Variants in CUX2 observed in about 807,000 individuals in gnomAD.
CUX2 encodes the protein cut like homeobox 2.
In CUX2, 40 loss-of-function variants were observed where a neutral mutation model predicts 144.8. That is an observed-to-expected ratio of 0.28 (90% CI 0.21 to 0.36). The LOEUF is 0.36. Ranked by LOEUF, CUX2 falls within the 10% of genes least tolerant of loss-of-function variation. The probability of loss-of-function intolerance (pLI) is 1.00; values close to 1 mark genes in which losing one functional copy is unlikely to be tolerated. For synonymous variants in CUX2, 827 were observed against 875.6 expected, an observed-to-expected ratio of 0.94 and a Z score of 0.98; for missense variants, 1,615 against 1,994.0, an observed-to-expected ratio of 0.81 and a Z score of 3.62.
rs1886940753 is a variant in CUX2 at position 111,312,175 on chromosome 12, A to T, written c.1976A>T (p.Lys659Met). ...ATCAAGAGCATTCTAGAGCAGGCCA[A>T]GAAGGAGATCGAGTCGCAGAAGGGC... is the stretch of plus-strand genomic sequence containing the variant. ...DAIKSILEQA[K>M]KEIESQKGGE... The change falls in exon 16 of 22, where the codon AAG becomes ATG. Residue 659 changes from lysine (K) to methionine (M), a missense_variant. Physicochemically the swap from Lys to Met is moderately conservative, Grantham distance 95. Around this residue, in one of 12 missense-constraint regions of CUX2, gnomAD observed 390 missense variants for 387.1 expected, o/e 1.01. Coordinates refer to ENST00000261726, the MANE Select transcript of CUX2 (RefSeq NM_015267.4). This position sits in a 1 kb window ranked among gnomAD's most constrained non-coding sequence, Gnocchi z 4.3. The T allele has an allele frequency of 1.9e-6, 3 of 1,611,002 alleles. No individual in the cohort carries two copies. In the East Asian group the frequency reaches 6.7e-5, roughly 36 times the overall value.
chr12:111,298,776 G>C (rs1886143173), intron 9 of CUX2, among the ~76,000 whole-genome samples, 187 bp downstream of exon 9: 1 of 152,160 alleles, frequency 6.6e-6, no homozygotes, highest in African/African-American at 2.4e-5. Context: ...CAAGCTCCCA[G>C]GGTGGGCCCA....
chr12:111,069,613 G>A (rs906985484), intron 1 of CUX2, among the ~76,000 whole-genome samples: 2 of 151,060 alleles, frequency 1.3e-5, no homozygotes, highest in Admixed American at 6.6e-5. Flanking sequence ...TGAGATCAAG[G>A]TTTCAGCAGG....
chr12:111,314,958 C>A (rs1887117224), intron 16 of CUX2, among the ~76,000 whole-genome samples: 1 of 152,148 alleles, frequency 6.6e-6, no homozygotes, highest in African/African-American at 2.4e-5. Context: ...AGGGAAACCC[C>A]AGGTCTCTCA....
At chr12:111,155,166 T>C (rs1477031663) in intron 1 of CUX2, among the ~76,000 whole-genome samples, 1 of 152,226 alleles carries the variant, frequency 6.6e-6, no homozygotes. Context: ...CAACCTGGCC[T>C]GGCATCCCAG....
chr12:111,240,017 A>G (rs1882946210), intron 3 of CUX2, among the ~76,000 whole-genome samples: 1 of 152,246 alleles, frequency 6.6e-6, no homozygotes, highest in South Asian at 2.1e-4. Context: ...AATTGGTTAT[A>G]ATATTAGCTG....
At chr12:111,251,837 T>C (rs557020069) in intron 3 of CUX2, among the ~76,000 whole-genome samples, 2 of 152,074 alleles carry the variant, frequency 1.3e-5, no homozygotes, top group Admixed American at 6.5e-5. Context: ...GTGCAGGGGA[T>C]GTTCATGTGA....
intron 3 of CUX2, among the ~76,000 whole-genome samples, chr12:111,234,510 C>T (rs1393960114): frequency 2.0e-5 from 3 of 152,048 alleles, no homozygotes; most frequent in African/African-American, 7.2e-5. Flanking sequence ...CCCAGGTGTA[C>T]CAATGAGAGT....
chr12:111,278,529 G>A (rs1312092096), intron 4 of CUX2, among the ~76,000 whole-genome samples: 1 of 152,122 alleles, frequency 6.6e-6, no homozygotes, highest in Non-Finnish European at 1.5e-5. Flanking sequence ...CTCAAACTCT[G>A]TGGCGCCCTA....
intron 4 of CUX2, among the ~76,000 whole-genome samples, chr12:111,280,183 G>C (rs1247416376): frequency 1.3e-5 from 2 of 152,076 alleles, no homozygotes; most frequent in East Asian, 3.9e-4. Flanking sequence ...CAGCTACTTG[G>C]GAGTCTGAGG....
chr12:111,113,355 T>G (rs966599336), intron 1 of CUX2, among the ~76,000 whole-genome samples: 7 of 152,162 alleles, frequency 4.6e-5, no homozygotes, highest in African/African-American at 1.4e-4. Context: ...TCCATGAGCT[T>G]TGACCACAAT....
At chr12:111,252,122 G>A (rs1883592296) in intron 3 of CUX2, among the ~76,000 whole-genome samples, 1 of 152,020 alleles carries the variant, frequency 6.6e-6, no homozygotes, top group African/African-American at 2.4e-5. Context: ...GGAGTTTGAG[G>A]CCACAGTGAG....
intron 1 of CUX2, among the ~76,000 whole-genome samples, chr12:111,040,378 TTC>T (rs1869682619): frequency 6.6e-6 from 1 of 151,966 alleles, no homozygotes; most frequent in Non-Finnish European, 1.5e-5. Flanking sequence ...ATCTGCCCCA[TTC>T]TCTCAATCTC....
rs566924159 is a variant in CUX2 at position 111,175,593 on chromosome 12, C to T, written c.64-38607C>T. On this transcript the variant is annotated intron_variant, in intron 1 of 21. Transcript: ENST00000261726. ...GGCAGGCTTGGTCACGCGGCAATAT[C>T]GTGTTGGGTTCTCAACAAAAGTTTT... Among the ~76,000 whole-genome samples, 3 of 152,178 alleles carry T rather than the reference C, an allele frequency of 2.0e-5. No individual in the cohort carries two copies. The East Asian group carries it at 5.8e-4, about 29-fold the overall frequency.
intron 16 of CUX2, among the ~76,000 whole-genome samples, chr12:111,318,598 T>A (rs7973949): frequency 0.3 from 43,096 of 144,880 alleles, 8,762 homozygotes; most frequent in East Asian, 0.71. Flanking sequence ...ATCTCTTTTT[T>A]TAAAAAAAAA....
Position 111,287,067 on chromosome 12 carries a change from G to A in CUX2, c.302-4351G>A, listed in dbSNP as rs921033351. Among the ~76,000 whole-genome samples, 3 of 152,160 alleles carry A rather than the reference G, an allele frequency of 2.0e-5. No individual in the cohort carries two copies. The highest frequency in any genetic ancestry group is 7.2e-5 in the African/African-American group (3 of 41,446). ...TGAAATCTATGGACCTGAATCAAAGGTCCAGCCAGCCCCTGTTCCCACCAG... is the reference window on the plus strand; with the variant it reads ...TGAAATCTATGGACCTGAATCAAAGATCCAGCCAGCCCCTGTTCCCACCAG... On this transcript the variant is annotated intron_variant, in intron 4 of 21. Transcript: ENST00000261726. This position sits in a 1 kb window ranked among gnomAD's most constrained non-coding sequence, Gnocchi z 4.2.
intron 1 of CUX2, among the ~76,000 whole-genome samples, chr12:111,145,295 G>T (rs1257532286): frequency 6.6e-6 from 1 of 152,190 alleles, no homozygotes; most frequent in Non-Finnish European, 1.5e-5. Context: ...ACCTTCTGAG[G>T]TTCACTCCTA....
chr12:111,258,374 G>A (rs988476782), intron 3 of CUX2, among the ~76,000 whole-genome samples: 2 of 152,102 alleles, frequency 1.3e-5, no homozygotes, highest in South Asian at 2.1e-4. Context: ...TTAGCCAGGC[G>A]TGGTAGTGCA....
intron 3 of CUX2, among the ~76,000 whole-genome samples, chr12:111,242,498 G>A (rs1883072450): frequency 6.6e-6 from 1 of 152,152 alleles, no homozygotes; most frequent in Non-Finnish European, 1.5e-5. Flanking sequence ...GATGAAACAG[G>A]TTTGCTGATC....
At position 111,263,834 on chromosome 12, in the gene CUX2, C is replaced by G; in HGVS notation, c.296C>G (p.Ala99Gly). Residue 99 changes from alanine (A) to glycine (G), a missense_variant, in exon 4 of 22, where the codon GCA becomes GGA. Physicochemically the swap from Ala to Gly is moderately conservative, Grantham distance 60. This residue lies in a region of CUX2 where 295 missense variants were observed against 400.2 expected (regional missense o/e 0.74). Transcript: ENST00000261726. The surrounding 1 kb of genome is among the most constrained non-coding windows in gnomAD (Gnocchi z 4.0). Reference protein sequence around the residue: ...FLSVYKQLIEAPDPVPVFEAA... With the variant: ...FLSVYKQLIEGPDPVPVFEAA... ...AGTGTTTACAAGCAATTAATTGAAG[C>G]ACCAGGTAAGAAATGCTTGGGCTCC... is the stretch of plus-strand genomic sequence containing the variant. 2 of 1,613,484 alleles carry G rather than the reference C, an allele frequency of 1.2e-6. No individual in the cohort carries two copies. Among genetic ancestry groups the G allele is most frequent in the Non-Finnish European group, 1.7e-6 (2 of 1,179,438 alleles).
Sources: allele counts gnomAD v4.1 joint callset (sites outside exome capture counted in the v4.1 genomes callset), GRCh38; gene constraint gnomAD v4.1.1; regional missense constraint gnomAD v4.1.1; non-coding constraint Gnocchi (gnomAD v3.1); transcripts MANE v1.5; gene names NCBI Gene and HGNC (gene_info 2026-07-23, HGNC 2026-07-21).